The following TANK variants were observed in gnomAD, a reference collection of about 807,000 sequenced individuals.
TANK encodes the protein TRAF family member-associated NF-kappa-B activator.
A neutral mutation model predicts 43.6 loss-of-function variants in TANK; 15 were observed. That is an observed-to-expected ratio of 0.34 (90% confidence interval 0.23 to 0.53). The LOEUF (loss-of-function observed/expected upper bound fraction) is 0.53, where lower values mean the gene tolerates loss of function less well. Ranked by LOEUF, TANK falls within the 20% of genes least tolerant of loss-of-function variation. The pLI is 0.94. For missense variants in TANK, 417 were observed against 498.6 expected (o/e 0.84, Z 1.56); for synonymous variants, 162 against 178.2 (o/e 0.91, Z 0.73).
intron 4 of TANK, among the ~76,000 whole-genome samples, chr2:161,205,360 C>T (rs780229502): frequency 2.0e-5 from 3 of 151,902 alleles, no homozygotes; most frequent in Non-Finnish European, 4.4e-5. Flanking sequence ...ATGCCACATA[C>T]ATATGTACAT....
chr2:161,155,260 A>G (rs1008589525), intron 1 of TANK, among the ~76,000 whole-genome samples: 2 of 152,108 alleles, frequency 1.3e-5, no homozygotes, highest in East Asian at 1.9e-4. Flanking sequence ...GAAAGTTGTG[A>G]CCATATTATT....
At chr2:161,195,741 A>G (rs1414972937) in intron 2 of TANK, among the ~76,000 whole-genome samples, 1 of 152,162 alleles carries the variant, frequency 6.6e-6, no homozygotes, top group Non-Finnish European at 1.5e-5. Flanking sequence ...GCAGTCCATT[A>G]AGGATGTGGT....
intron 1 of TANK, among the ~76,000 whole-genome samples, chr2:161,168,822 A>G (rs4664408): frequency 0.041 from 6,193 of 152,280 alleles, 264 homozygotes; most frequent in East Asian, 0.18. Flanking sequence ...CAACAGAGTG[A>G]GAATTGTACA....
At chr2:161,218,857 G>A (rs1232879405) in intron 4 of TANK, among the ~76,000 whole-genome samples, 1 of 152,048 alleles carries the variant, frequency 6.6e-6, no homozygotes, top group Non-Finnish European at 1.5e-5. Flanking sequence ...TGCCCAGGCT[G>A]GTTTCAAACT....
intron 4 of TANK, chr2:161,223,631 G>T (rs969632950): frequency 1.4e-5 from 3 of 221,012 alleles, no homozygotes; most frequent in Non-Finnish European, 2.7e-5. Context: ...ATCAATAGTT[G>T]AATTTGAGAA....
intron 4 of TANK, chr2:161,216,590 C>CA (rs79872049): frequency 0.025 from 3,022 of 121,768 alleles, 57 homozygotes; most frequent in African/African-American, 0.061. Context: ...CTTTCTTGGC[C>CA]AAAAAAAAAA....
chr2:161,165,575 C>A (rs1684640372), intron 1 of TANK, among the ~76,000 whole-genome samples: 1 of 152,246 alleles, frequency 6.6e-6, no homozygotes, highest in East Asian at 1.9e-4. Flanking sequence ...ACATTAAAAT[C>A]TCACAAATCC....
upstream of TANK, among the ~76,000 whole-genome samples, chr2:161,157,020 C>T (rs1373013010): frequency 4.6e-5 from 7 of 152,086 alleles, no homozygotes; most frequent in South Asian, 2.1e-4. Context: ...TTCTCTAGGC[C>T]GTAGCTCCAA....
chr2:161,161,654 A>G (rs759855600), intron 1 of TANK: 28 of 568,908 alleles, frequency 4.9e-5, no homozygotes, highest in Non-Finnish European at 4.0e-5. Context: ...TTAAATATAT[A>G]TATATGGTGA....
intron 1 of TANK, among the ~76,000 whole-genome samples, chr2:161,164,045 G>A (rs1684562331): frequency 6.6e-6 from 1 of 152,202 alleles, no homozygotes; most frequent in Non-Finnish European, 1.5e-5. Flanking sequence ...ACTAACAGTA[G>A]GATGCAGGCA....
intron 1 of TANK, chr2:161,137,181 A>G (rs1683611274): frequency 1.0e-6 from 1 of 985,320 alleles, no homozygotes; most frequent in African/African-American, 1.7e-5. Flanking sequence ...GTAATTTATG[A>G]CATGATTCAA....
chr2:161,218,553 G>T (rs1181163779), intron 4 of TANK, among the ~76,000 whole-genome samples: 3 of 152,110 alleles, frequency 2.0e-5, no homozygotes, highest in African/African-American at 7.2e-5. Flanking sequence ...GGCTTGCCAG[G>T]TGCAGTGGCG....
At chr2:161,196,407 A>C (rs914767699) in intron 2 of TANK, among the ~76,000 whole-genome samples, 2 of 152,154 alleles carry the variant, frequency 1.3e-5, no homozygotes, top group Non-Finnish European at 2.9e-5. Context: ...CTAGGAAGAG[A>C]ATATATAGCA....
intron 2 of TANK, among the ~76,000 whole-genome samples, chr2:161,192,247 C>T (rs777732360): frequency 4.6e-5 from 7 of 152,186 alleles, no homozygotes; most frequent in Non-Finnish European, 7.4e-5. Flanking sequence ...AACTGAATAT[C>T]CAGACCTGAA....
chr2:161,224,236 C>T (rs887138454), intron 5 of TANK, among the ~76,000 whole-genome samples: 8 of 151,710 alleles, frequency 5.3e-5, no homozygotes, highest in African/African-American at 1.2e-4. Context: ...GTGTTAAGGT[C>T]GTATTTCTTT....
At chr2:161,232,994 A>G (rs1687995355) in intron 7 of TANK, 1 of 891,120 alleles carries the variant, frequency 1.1e-6, no homozygotes, top group Admixed American at 3.0e-5. Context: ...TCTTAAAATG[A>G]GTTTTTTAAA....
chr2:161,215,373 T>C (rs1687072979), intron 4 of TANK, among the ~76,000 whole-genome samples: 1 of 152,216 alleles, frequency 6.6e-6, no homozygotes, highest in Non-Finnish European at 1.5e-5. Context: ...TCAGTTCTTT[T>C]CACATACATT....
At chr2:161,156,877 A>T (rs1244980987), upstream of TANK, among the ~76,000 whole-genome samples, 1 of 152,196 alleles carries the variant, frequency 6.6e-6, no homozygotes, top group East Asian at 1.9e-4. Context: ...CTTGATAAGA[A>T]CCATATATGA....
intron 1 of TANK, chr2:161,162,779 T>G (rs768033899): frequency 2.0e-5 from 3 of 152,158 alleles, no homozygotes; most frequent in African/African-American, 4.8e-5. Context: ...GAGTGTCTAT[T>G]GTATTAGATA....
Sources: allele counts gnomAD v4.1 joint callset (sites outside exome capture counted in the v4.1 genomes callset), GRCh38; gene constraint gnomAD v4.1.1; transcripts MANE v1.5; gene names NCBI Gene and HGNC (gene_info 2026-07-23, HGNC 2026-07-21).